Variants in TAF4B observed in about 807,000 individuals in gnomAD.
The protein encoded by TAF4B is TATA-box binding protein associated factor 4b.
A neutral mutation model predicts 86.4 loss-of-function variants in TAF4B; 38 were observed. The ratio of observed to expected loss-of-function variants is 0.44; its 90% CI spans 0.34 to 0.58. The LOEUF is 0.58. Ranked by LOEUF, TAF4B falls within the 20% of genes least tolerant of loss-of-function variation. The probability of loss-of-function intolerance (pLI) is 0.02; values close to 1 mark genes in which losing one functional copy is unlikely to be tolerated. For missense variants in TAF4B, 988 were observed against 1,027.6 expected (o/e 0.96, Z 0.53); for synonymous variants, 388 against 391.2 (o/e 0.99, Z 0.10).
intron 9 of TAF4B, chr18:26,295,374 G>C (rs140468533): frequency 0.014 from 2,542 of 184,262 alleles, 27 homozygotes; most frequent in Non-Finnish European, 0.02. Flanking sequence ...CTGATTTCTT[G>C]GAAGGCAATT....
chr18:26,351,406 A>T (rs1327706910), intron 13 of TAF4B, among the ~76,000 whole-genome samples: 1 of 152,160 alleles, frequency 6.6e-6, no homozygotes, highest in African/African-American at 2.4e-5. Context: ...TTGTTAAAGG[A>T]TACAAAATTA....
chr18:26,235,968 C>T (rs1204030279), intron 1 of TAF4B, among the ~76,000 whole-genome samples: 1 of 152,144 alleles, frequency 6.6e-6, no homozygotes, highest in Admixed American at 6.5e-5. Context: ...CTAACAATAT[C>T]CTGTAATCCT....
intron 1 of TAF4B, among the ~76,000 whole-genome samples, chr18:26,252,533 CG>C (rs1441630727): frequency 2.6e-5 from 4 of 152,036 alleles, no homozygotes; most frequent in Non-Finnish European, 5.9e-5. Context: ...TGTTTTAAAT[CG>C]TGTGCCATTC....
intron 10 of TAF4B, among the ~76,000 whole-genome samples, chr18:26,317,597 A>T (rs184445126): frequency 1.3e-5 from 2 of 152,334 alleles, no homozygotes; most frequent in Non-Finnish European, 2.9e-5. Flanking sequence ...GTAACAAAAT[A>T]CCATAAATTG....
At chr18:26,371,666 C>T (rs2057406806) in intron 14 of TAF4B, among the ~76,000 whole-genome samples, 1 of 152,172 alleles carries the variant, frequency 6.6e-6, no homozygotes, top group Non-Finnish European at 1.5e-5. Context: ...AATAGATGGG[C>T]AATCTAGTCT....
chr18:26,289,656 T>C (rs1387541067), intron 7 of TAF4B, among the ~76,000 whole-genome samples: 2 of 152,240 alleles, frequency 1.3e-5, no homozygotes, highest in East Asian at 3.9e-4. Context: ...CCGGCTAATT[T>C]TTCTATGTTT....
chr18:26,291,733 G>C (rs1677017), intron 7 of TAF4B, among the ~76,000 whole-genome samples: 131 of 148,418 alleles, frequency 8.8e-4, no homozygotes, highest in Non-Finnish European at 1.4e-3. Context: ...GAAAATACTT[G>C]GTTAAAATGG....
intron 1 of TAF4B, among the ~76,000 whole-genome samples, chr18:26,247,599 G>A (rs1052177501): frequency 6.6e-6 from 1 of 152,160 alleles, no homozygotes; most frequent in Non-Finnish European, 1.5e-5. Flanking sequence ...ATTGACACAG[G>A]GTTGGGCATG....
chr18:26,312,051 T>C (rs1458312503), intron 9 of TAF4B, among the ~76,000 whole-genome samples: 1 of 152,190 alleles, frequency 6.6e-6, no homozygotes, highest in African/African-American at 2.4e-5. Flanking sequence ...TTGGAAGGCT[T>C]TTTCTACTGA....
chr18:26,287,197 T>C lies in TAF4B; in HGVS notation c.1590+698T>C, dbSNP rs566614273. 1.1e-4 allele frequency among the ~76,000 whole-genome samples: 16 copies of C among 152,310 alleles called. No individual in the cohort carries two copies. In the East Asian group the frequency reaches 2.5e-3, roughly 24 times the overall value. ...TTTTTATTTTTTTGTAGAGAGAGGGTCTTGCTGTGTTGCCCAAGCTGGTCT... is the reference window on the plus strand; with the variant it reads ...TTTTTATTTTTTTGTAGAGAGAGGGCCTTGCTGTGTTGCCCAAGCTGGTCT... On this transcript the variant is annotated intron_variant, in intron 7 of 14. Coordinates refer to ENST00000269142, the MANE Select transcript of TAF4B (RefSeq NM_005640.3).
chr18:26,231,034 C>CTGTTTTTTTT (rs2055657932), intron 1 of TAF4B, among the ~76,000 whole-genome samples: 1 of 66,164 alleles, frequency 1.5e-5, no homozygotes, highest in Non-Finnish European at 2.8e-5. Flanking sequence ...TGTTGTTTTG[C>CTGTTTTTTTT]TTTTTTTTTT....
intron 13 of TAF4B, among the ~76,000 whole-genome samples, chr18:26,346,817 G>A (rs1482519325): frequency 0.019 from 221 of 11,494 alleles, 6 homozygotes; most frequent in East Asian, 0.074. Flanking sequence ...ATATATATAT[G>A]TGTGTGTATA....
chr18:26,363,522 G>C (rs1438835988), intron 14 of TAF4B, among the ~76,000 whole-genome samples: 2 of 152,018 alleles, frequency 1.3e-5, no homozygotes, highest in African/African-American at 4.8e-5. Context: ...TCCAGCCTGG[G>C]TGACACAGTA....
intron 5 of TAF4B, among the ~76,000 whole-genome samples, chr18:26,277,947 T>A (rs1236168179): frequency 6.6e-6 from 1 of 152,250 alleles, no homozygotes; most frequent in Non-Finnish European, 1.5e-5. Flanking sequence ...AATTGTAATT[T>A]TGGCTGGAGA....
intron 10 of TAF4B, among the ~76,000 whole-genome samples, chr18:26,317,621 A>G (rs1410738593): frequency 2.0e-5 from 3 of 152,218 alleles, no homozygotes; most frequent in Non-Finnish European, 4.4e-5. Flanking sequence ...GGCTTAAACA[A>G]CAAATGTTTA....
rs530003477 is a variant in TAF4B, at chr18:26,246,687, C to A, written c.344-18483C>A. ...TAGCTGGGACAACAGGTGTGTGCCACCACACCTGGCTAATTTTTTATTTTT... is the reference window on the plus strand; with the variant it reads ...TAGCTGGGACAACAGGTGTGTGCCAACACACCTGGCTAATTTTTTATTTTT... On this transcript the variant is annotated intron_variant, in intron 1 of 14. Coordinates refer to ENST00000269142, the MANE Select transcript of TAF4B (RefSeq NM_005640.3). Among the ~76,000 whole-genome samples, 348 of 152,056 alleles carry A rather than the reference C, an allele frequency of 2.3e-3. 1 individual carries two copies. Among genetic ancestry groups the A allele is most frequent in the Middle Eastern group, 0.01 (3 of 292 alleles).
chr18:26,359,202 T>G (rs1354765354), intron 14 of TAF4B, among the ~76,000 whole-genome samples: 1 of 152,210 alleles, frequency 6.6e-6, no homozygotes, highest in Admixed American at 6.5e-5. Context: ...ACTTCCATAC[T>G]TTTTAAGGGT....
At chr18:26,381,258 G>T (rs757201853) in intron 14 of TAF4B, among the ~76,000 whole-genome samples, 3 of 151,704 alleles carry the variant, frequency 2.0e-5, no homozygotes, top group Admixed American at 6.6e-5. Flanking sequence ...CAAGGGACCT[G>T]CCTGCCTCGG....
At chr18:26,247,434 G>A (rs2055943161) in intron 1 of TAF4B, among the ~76,000 whole-genome samples, 1 of 151,956 alleles carries the variant, frequency 6.6e-6, no homozygotes, top group South Asian at 2.1e-4. Context: ...TGAAAGTATG[G>A]GTCTTTAAGT....
Sources: allele counts gnomAD v4.1 joint callset (sites outside exome capture counted in the v4.1 genomes callset), GRCh38; gene constraint gnomAD v4.1.1; transcripts MANE v1.5; gene names NCBI Gene and HGNC (gene_info 2026-07-23, HGNC 2026-07-21).